Variants in PCNT observed in about 807,000 individuals in gnomAD.
PCNT encodes the protein pericentrin.
In PCNT, 319 loss-of-function variants were observed where a neutral mutation model predicts 380.4. The observed-to-expected ratio is 0.84, with a 90% CI of 0.77 to 0.92. The LOEUF (loss-of-function observed/expected upper bound fraction) is 0.92, where lower values mean the gene tolerates loss of function less well. Ranked by LOEUF, PCNT falls within the 40% of genes least tolerant of loss-of-function variation. PCNT has a pLI of 0.00. For synonymous variants in PCNT, 1,845 were observed against 1,735.2 expected (o/e 1.06, Z -1.57); for missense variants, 4,400 against 4,255.3 (o/e 1.03, Z -0.95).
At chr21:46,406,768 T>C (rs1398555585) in intron 27 of PCNT, among the ~76,000 whole-genome samples, 2 of 152,230 alleles carry the variant, frequency 1.3e-5, no homozygotes, top group Non-Finnish European at 2.9e-5. Flanking sequence ...AGTTCTGTTA[T>C]ATTTCTAGTT....
At chr21:46,358,999 G>A (rs933963842) in intron 13 of PCNT, among the ~76,000 whole-genome samples, 17 of 151,292 alleles carry the variant, frequency 1.1e-4, no homozygotes, top group African/African-American at 3.4e-4. Context: ...TAGTAGAGAC[G>A]AGGTTTCACC....
rs769709728 is a variant in PCNT, at chr21:46,427,661, C to T, written c.7360C>T (p.Leu2454=). The part of the protein sequence containing the change: ...TACPDWRGDL[L]QVVQEAFEKE... Reference sequence around the variant, plus strand: ...GTGCCCCGATTGGAGAGGGGACCTTCTGCAGGTTGTGCAAGAGGCCTTTGA... The same window carrying T: ...GTGCCCCGATTGGAGAGGGGACCTTTTGCAGGTTGTGCAAGAGGCCTTTGA... Residue 2454 remains leucine, a synonymous_variant, in exon 34 of 47, where the codon CTG becomes TTG. Transcript: ENST00000359568. 2 of 1,614,004 alleles carry T rather than the reference C, an allele frequency of 1.2e-6. No homozygotes were observed. The highest frequency in any genetic ancestry group is 2.2e-5 in the East Asian group (1 of 44,888).
intron 31 of PCNT, among the ~76,000 whole-genome samples, chr21:46,420,293 T>A (rs1267460611): frequency 6.6e-6 from 1 of 151,864 alleles, no homozygotes; most frequent in African/African-American, 2.4e-5. Context: ...CCTCCAAGAT[T>A]GATTGTCAAA....
intron 14 of PCNT, among the ~76,000 whole-genome samples, chr21:46,366,100 A>G (rs1781469753): frequency 6.6e-6 from 1 of 151,960 alleles, no homozygotes; most frequent in Non-Finnish European, 1.5e-5. Flanking sequence ...CTATTCATTC[A>G]CTGCCATGGG....
chr21:46,374,871 A>AG (rs35238429), intron 15 of PCNT, among the ~76,000 whole-genome samples: 2 of 150,762 alleles, frequency 1.3e-5, no homozygotes, highest in Admixed American at 6.6e-5. Context: ...AAAAAAAAAA[A>AG]GTTACACAGA....
chr21:46,324,750 A>T, intron 1 of PCNT: 1 of 424,674 alleles, frequency 2.4e-6, no homozygotes, highest in East Asian at 1.6e-4. Flanking sequence ...GGCGGCCGGT[A>T]TTCGGGTGGC....
rs1432454698 is a variant in PCNT at position 46,411,337 on chromosome 21, T to C, written c.5264T>C (p.Leu1755Pro). The change falls in exon 28 of 47, where the codon CTC becomes CCC. Residue 1755 changes from leucine to proline, a missense_variant. Physicochemically the swap from Leu to Pro is moderately conservative, Grantham distance 98. Transcript: ENST00000359568. ...VIEKLQHELS[L>P]MGPVVHEVSD... ...GAGAAGCTGCAGCACGAGCTGTCCC[T>C]CATGGGGCCTGTGGTGCACGAAGTC... The C allele has an allele frequency of 6.2e-7, 1 of 1,614,026 alleles. No individual in the cohort carries two copies. The highest frequency in any genetic ancestry group is 1.3e-5 in the African/African-American group (1 of 74,954).
chr21:46,370,961 G>T (rs2085103282), intron 15 of PCNT, among the ~76,000 whole-genome samples: 1 of 152,190 alleles, frequency 6.6e-6, no homozygotes, highest in Non-Finnish European at 1.5e-5. Context: ...TGTGAACCCG[G>T]GAGGCGGAGG....
At chr21:46,416,975 A>G in intron 30 of PCNT, 136 bp downstream of exon 30, 1 of 787,716 alleles carries the variant, frequency 1.3e-6, no homozygotes, top group Non-Finnish European at 2.0e-6. Flanking sequence ...GCTCTGCAGG[A>G]CTGGCATCAT....
At chr21:46,370,894 G>A (rs1193792863) in intron 15 of PCNT, among the ~76,000 whole-genome samples, 1 of 152,152 alleles carries the variant, frequency 6.6e-6, no homozygotes, top group African/African-American at 2.4e-5. Flanking sequence ...AATTAGACAG[G>A]CATGGTGGTG....
Position 46,326,593 on chromosome 21 carries a change from G to GC in PCNT, c.267+4_267+5insC. The GC allele has an allele frequency of 6.2e-7, 1 of 1,613,098 alleles. No individual in the cohort carries two copies. The highest frequency in any genetic ancestry group is 8.5e-7 in the Non-Finnish European group (1 of 1,179,078). On this transcript the variant is annotated splice_donor_region_variant and intron_variant, in intron 2 of 46. Coordinates refer to ENST00000359568, the MANE Select transcript of PCNT (RefSeq NM_006031.6). ...AGGAGGGGCCTTTGCAGCTCAGGTA[G>GC]ATTTGCTCAATGTTGTATTTGAACA...
rs375572719 is a variant in PCNT at position 46,428,458 on chromosome 21, G to A, written c.7558G>A (p.Glu2520Lys). 73 of 1,612,360 alleles carry A rather than the reference G, an allele frequency of 4.5e-5. No homozygotes were observed. The highest frequency in any genetic ancestry group is 1.6e-4 in the African/African-American group (12 of 74,942). The change falls in exon 35 of 47, where the codon GAG (glutamate) becomes AAG (lysine). Residue 2520 changes from glutamate (E) to lysine (K), a missense_variant. Physicochemically the swap from Glu to Lys is moderately conservative, Grantham distance 56. Coordinates refer to ENST00000359568, the MANE Select transcript of PCNT (RefSeq NM_006031.6). ...GCCGGACCGGAGCAGCCTGCTGTCC[G>A]AGATCCAGGCGCTGCGTGCCCAGCT... ...RLPDRSSLLS[E>K]IQALRAQLRM...
chr21:46,357,414 C>T (rs986381010), intron 13 of PCNT, among the ~76,000 whole-genome samples: 11 of 152,112 alleles, frequency 7.2e-5, no homozygotes, highest in Admixed American at 1.3e-4. Flanking sequence ...AGCACCGGGG[C>T]GAAAGTGAAG....
chr21:46,400,744 T>C (rs1369846919), intron 25 of PCNT, among the ~76,000 whole-genome samples: 1 of 152,158 alleles, frequency 6.6e-6, no homozygotes, highest in Non-Finnish European at 1.5e-5. Flanking sequence ...GGTCTCGAAC[T>C]ACTGACCTCA....
Position 46,325,195 on chromosome 21 carries a change from G to C in PCNT, c.54+913G>C, listed in dbSNP as rs1711752127. On this transcript the variant is annotated intron_variant, in intron 1 of 46. Coordinates refer to ENST00000359568, the MANE Select transcript of PCNT (RefSeq NM_006031.6). ...AGCGCGAGGCGGAACCGCGGGAGCA[G>C]GCCGGCCTCTGCGAGGTGCGCGCCG... The C allele has an allele frequency of 4.1e-6, 4 of 985,498 alleles. No individual in the cohort carries two copies. The South Asian group carries it at 1.4e-4, about 35-fold the overall frequency. 61.0% of individuals were successfully genotyped at this position (985,498 alleles called of 1,614,324 possible).
At position 46,346,748 on chromosome 21, in the gene PCNT, G is replaced by T; in HGVS notation, c.726G>T (p.Val242=). ...AGGCCTTTTCTCCGCCGCAGGCCGT[G>T]CATGGCCTTGAGCTGGAGGCGCTGC... The part of the protein sequence containing the change: ...DEAGLHQSQA[V]HGLELEALRL... Residue 242 remains valine, a synonymous_variant, in exon 5 of 47, where the codon GTG becomes GTT. Coordinates refer to ENST00000359568, the MANE Select transcript of PCNT (RefSeq NM_006031.6). The T allele has an allele frequency of 6.3e-7, 1 of 1,597,220 alleles. No homozygotes were observed. Among genetic ancestry groups the T allele is most frequent in the Admixed American group, 1.8e-5 (1 of 57,070 alleles).
chr21:46,346,287 G>T (rs1233745315), intron 4 of PCNT, 79 bp downstream of exon 4: 10 of 719,630 alleles, frequency 1.4e-5, no homozygotes, highest in Middle Eastern at 3.3e-4. Flanking sequence ...CCGGGTGGGG[G>T]TGGGGTGGGC....
Position 46,430,524 on chromosome 21 carries a change from A to G in PCNT, c.7931A>G (p.Lys2644Arg), listed in dbSNP as rs1342498034. 2.6e-6 allele frequency: 4 copies of G among 1,552,502 alleles called. No homozygotes were observed. The highest frequency in any genetic ancestry group is 3.5e-6 in the Non-Finnish European group (4 of 1,148,346). The change falls in exon 37 of 47, where the codon AAG (lysine) becomes AGG (arginine). Residue 2644 changes from lysine (K) to arginine (R), a missense_variant. Coordinates refer to ENST00000359568, the MANE Select transcript of PCNT (RefSeq NM_006031.6). ...VLQLRSMLSS[K>R]ENELKAALQE... ...CCACGCAGATCCATGCTGAGCAGTA[A>G]GGAGAACGAGCTGAAGGCCGCGCTT...
chr21:46,444,416 T>C (rs528924503), intron 45 of PCNT, among the ~76,000 whole-genome samples: 1 of 152,162 alleles, frequency 6.6e-6, no homozygotes, highest in Non-Finnish European at 1.5e-5. Flanking sequence ...TGAGACCTGG[T>C]GCAGAATCCA....
Sources: allele counts gnomAD v4.1 joint callset (sites outside exome capture counted in the v4.1 genomes callset), GRCh38; gene constraint gnomAD v4.1.1; transcripts MANE v1.5; gene names NCBI Gene and HGNC (gene_info 2026-07-23, HGNC 2026-07-21).